Variants in ZC3H12B observed in about 807,000 individuals in gnomAD.
ZC3H12B encodes the protein probable ribonuclease ZC3H12B.
In ZC3H12B, 7 loss-of-function variants were observed where a neutral mutation model predicts 43.9. That is an observed-to-expected ratio of 0.16 (90% confidence interval 0.09 to 0.30). The LOEUF is 0.30. Among genes scored for constraint, ZC3H12B ranks in the 10% least tolerant of loss-of-function variants. The pLI, the probability that ZC3H12B is intolerant of heterozygous loss-of-function variation, is 1.00. For missense variants in ZC3H12B, 475 were observed against 670.2 expected (o/e 0.71, Z 3.22); for synonymous variants, 222 against 241.7 (o/e 0.92, Z 0.76).
chrX:65,311,551 G>A, the ZC3H12B span, among the ~76,000 whole-genome samples: 18 of 112,162 alleles, frequency 1.6e-4, no homozygotes, highest in East Asian at 4.2e-3. Context: ...TGGTGGGACT[G>A]TAAACTAGTT....
the ZC3H12B span, among the ~76,000 whole-genome samples, chrX:65,159,589 T>C: frequency 8.9e-6 from 1 of 112,101 alleles, no homozygotes; most frequent in East Asian, 2.8e-4. Context: ...GTAAGAATGC[T>C]TGTGATATAT....
At chrX:65,123,240 G>T in the ZC3H12B span, among the ~76,000 whole-genome samples, 3 of 111,687 alleles carry the variant, frequency 2.7e-5, no homozygotes, top group African/African-American at 9.7e-5. Flanking sequence ...ATTGATTTGC[G>T]TATGTTGAAC....
At chrX:65,086,099 ATC>A in the ZC3H12B span, among the ~76,000 whole-genome samples, 1 of 91,424 alleles carries the variant, frequency 1.1e-5, no homozygotes, top group Non-Finnish European at 2.1e-5. Context: ...TGTTACATTT[ATC>A]TGTCATGTCT....
chrX:65,392,189 C>T lies in ZC3H12B; in HGVS notation n.296-6404C>T, dbSNP rs761916284. ...TTCAGCCTCTGCCTGGCCGCCACCCCGTCTAGGAAGTGAGGAGCGTCTCTG... is the reference window on the plus strand; with the variant it reads ...TTCAGCCTCTGCCTGGCCGCCACCCTGTCTAGGAAGTGAGGAGCGTCTCTG... On this transcript the variant is annotated intron_variant and non_coding_transcript_variant, in intron 2 of 5. Transcript: ENST00000617377. Among the ~76,000 whole-genome samples, 36 of 111,792 alleles carry T rather than the reference C, an allele frequency of 3.2e-4. No homozygotes were observed. In the East Asian group the frequency reaches 9.7e-3, roughly 30 times the overall value.
chrX:65,244,727 CAAAAAAAAAAAA>C, the ZC3H12B span, among the ~76,000 whole-genome samples: 8 of 20,372 alleles, frequency 3.9e-4, no homozygotes, highest in African/African-American at 1.4e-3. Flanking sequence ...AATACCTTGC[CAAAAAAAAAAAA>C]AAAAAAAAAA....
the ZC3H12B span, among the ~76,000 whole-genome samples, chrX:65,101,569 A>T: frequency 6.2e-5 from 7 of 112,304 alleles, no homozygotes; most frequent in Non-Finnish European, 1.3e-4. Context: ...ATCACCACTG[A>T]TCTCACAGAA....
chrX:65,197,568 T>A, the ZC3H12B span, among the ~76,000 whole-genome samples: 1 of 111,938 alleles, frequency 8.9e-6, no homozygotes, highest in African/African-American at 3.2e-5. Context: ...GTGAGAAAAG[T>A]TTCCTAATTA....
chrX:65,228,958 C>A, the ZC3H12B span, among the ~76,000 whole-genome samples: 2 of 111,783 alleles, frequency 1.8e-5, no homozygotes, highest in Non-Finnish European at 3.8e-5. Context: ...GCCATACTGC[C>A]TAAGGTAATT....
chrX:65,453,394 AT>A (rs2067550416), intron 3 of ZC3H12B, among the ~76,000 whole-genome samples: 13 of 88,761 alleles, frequency 1.5e-4, no homozygotes, highest in African/African-American at 2.4e-4. Flanking sequence ...ATATATATAT[AT>A]ATATATATAA....
the ZC3H12B span, among the ~76,000 whole-genome samples, chrX:65,089,667 ACT>A: frequency 1.8e-5 from 2 of 112,092 alleles, no homozygotes; most frequent in African/African-American, 3.2e-5. Context: ...AAACTTTTTG[ACT>A]CTTTTGTAAT....
At chrX:65,270,042 G>T in the ZC3H12B span, among the ~76,000 whole-genome samples, 2 of 111,181 alleles carry the variant, frequency 1.8e-5, no homozygotes, top group East Asian at 5.6e-4. Flanking sequence ...TCTAAAATTT[G>T]CATGGTACCA....
At chrX:65,446,024 G>C (rs2067371290) in intron 3 of ZC3H12B, among the ~76,000 whole-genome samples, 2 of 111,253 alleles carry the variant, frequency 1.8e-5, no homozygotes, top group South Asian at 3.8e-4. Context: ...GGCTACTGCT[G>C]ATGTTTATTC....
At chrX:65,255,686 G>A in the ZC3H12B span, among the ~76,000 whole-genome samples, 10 of 112,018 alleles carry the variant, frequency 8.9e-5, no homozygotes, top group African/African-American at 9.7e-5. Flanking sequence ...ATACCTGTCA[G>A]TACTAACTTT....
chrX:65,149,815 TA>T, the ZC3H12B span, among the ~76,000 whole-genome samples: 1 of 93,044 alleles, frequency 1.1e-5, no homozygotes, highest in Non-Finnish European at 2.1e-5. Context: ...ATAATAATAA[TA>T]AATAAAAGTA....
chrX:65,349,672 T>C, the ZC3H12B span, among the ~76,000 whole-genome samples: 1 of 111,613 alleles, frequency 9.0e-6, no homozygotes, highest in Non-Finnish European at 1.9e-5. Flanking sequence ...TTATAGGGTA[T>C]ATCACCACTG....
the ZC3H12B span, among the ~76,000 whole-genome samples, chrX:65,137,228 G>A: frequency 8.9e-6 from 1 of 112,014 alleles, no homozygotes; most frequent in African/African-American, 3.2e-5. Flanking sequence ...TAGCATATCT[G>A]TTTAAGAAAG....
chrX:65,137,178 A>G, the ZC3H12B span, among the ~76,000 whole-genome samples: 2 of 112,335 alleles, frequency 1.8e-5, no homozygotes, highest in African/African-American at 6.4e-5. Flanking sequence ...ATAATGTAAA[A>G]AAAATCAGTT....
chrX:65,302,516 CTAAA>C, the ZC3H12B span, among the ~76,000 whole-genome samples: 1 of 111,726 alleles, frequency 9.0e-6, no homozygotes, highest in Non-Finnish European at 1.9e-5. Flanking sequence ...TAAAGAAGAA[CTAAA>C]TAAATGGGAA....
At chrX:65,056,066 G>A in the ZC3H12B span, among the ~76,000 whole-genome samples, 2 of 111,617 alleles carry the variant, frequency 1.8e-5, no homozygotes, top group Admixed American at 1.9e-4. Flanking sequence ...TTTTTTGAAG[G>A]TTTTTTCTGT....
Sources: gnomAD v4.1 joint callset for allele counts (sites outside exome capture counted in the v4.1 genomes callset) on GRCh38, gnomAD v4.1.1 for gene constraint, MANE v1.5 for transcripts, NCBI Gene and HGNC (gene_info 2026-07-23, HGNC 2026-07-21) for gene names.